Variants in PCDHGA4 observed in about 807,000 individuals in gnomAD.
The protein encoded by PCDHGA4 is protocadherin gamma subfamily A, 4.
In PCDHGA4, 38 loss-of-function variants were observed where a neutral mutation model predicts 54.6. The observed-to-expected ratio is 0.70, with a 90% CI of 0.54 to 0.91. PCDHGA4 has a LOEUF of 0.91. Among genes scored for constraint, PCDHGA4 ranks in the 40% least tolerant of loss-of-function variants. The pLI is 0.00. For synonymous variants in PCDHGA4, 511 were observed against 512.9 expected (o/e 1.00, Z 0.05); for missense variants, 1,298 against 1,220.9 (o/e 1.06, Z -0.94).
chr5:141,457,806 G>A (rs1321207711), intron 1 of PCDHGA4, among the ~76,000 whole-genome samples: 1 of 152,150 alleles, frequency 6.6e-6, no homozygotes, highest in Non-Finnish European at 1.5e-5. Context: ...CTCCTCTTGA[G>A]GTCCCAAGAT....
At chr5:141,417,887 C>T in intron 1 of PCDHGA4, 2 of 1,564,888 alleles carry the variant, frequency 1.3e-6, no homozygotes, top group Non-Finnish European at 1.7e-6. Flanking sequence ...GCAGAGGCGC[C>T]GGGCCGGCCC....
At position 141,355,189 on chromosome 5, in the gene PCDHGA4, G is replaced by T. The variant is rs1414390153; in HGVS notation, c.82G>T (p.Gly28Cys). 6.3e-7 allele frequency: 1 copy of T among 1,590,758 alleles called. No homozygotes were observed. The highest frequency in any genetic ancestry group is 8.6e-7 in the Non-Finnish European group (1 of 1,167,318). The change falls in exon 1 of 4, where the codon GGC (glycine) becomes TGC (cysteine). Residue 28 changes from glycine to cysteine, a missense_variant. Gly to Cys is a radical substitution (Grantham distance 159). Coordinates refer to ENST00000571252, the MANE Select transcript of PCDHGA4 (RefSeq NM_018917.4). ...AAAACCGAAGCACAGGCGACTCCGC[G>T]GCGGGGTTGTAATGGCGGCGCCTCC... ...EGKPKHRRLR[G>C]GVVMAAPPAR...
intron 1 of PCDHGA4, chr5:141,404,230 C>T: frequency 6.2e-7 from 1 of 1,613,836 alleles, no homozygotes; most frequent in Non-Finnish European, 8.5e-7. Context: ...CTGCAACAGA[C>T]AGAGGAACTC....
At chr5:141,367,423 G>T (rs1765125811) in intron 1 of PCDHGA4, 2 of 152,202 alleles carry the variant, frequency 1.3e-5, no homozygotes, top group Non-Finnish European at 2.9e-5. Flanking sequence ...TGTAGTCCCA[G>T]CTACTCGGAA....
intron 1 of PCDHGA4, chr5:141,372,982 GT>G: frequency 1.6e-6 from 1 of 641,336 alleles, no homozygotes; most frequent in East Asian, 2.8e-5. Flanking sequence ...GAATATCTGT[GT>G]TGCAGTTGTT....
Position 141,485,227 on chromosome 5 carries a change from G to T in PCDHGA4, c.2515-9580G>T. Reference sequence around the variant, plus strand: ...AAATCTGGCGGTGGGCTACCCTTTTGTTCCTCTTTTACCACCTGGGTTACG... The same window carrying T: ...AAATCTGGCGGTGGGCTACCCTTTTTTTCCTCTTTTACCACCTGGGTTACG... On this transcript the variant is annotated intron_variant, in intron 1 of 3. Transcript: ENST00000571252. The surrounding 1 kb of genome is among the most constrained non-coding windows in gnomAD (Gnocchi z 5.7). The T allele has an allele frequency of 6.2e-7, 1 of 1,614,186 alleles. No individual in the cohort carries two copies. Among genetic ancestry groups the T allele is most frequent in the Non-Finnish European group, 8.5e-7 (1 of 1,180,020 alleles).
rs765263883 is a variant in PCDHGA4 at position 141,491,018 on chromosome 5, C to T, written c.2515-3789C>T. On this transcript the variant is annotated intron_variant, in intron 1 of 3. Coordinates refer to ENST00000571252, the MANE Select transcript of PCDHGA4 (RefSeq NM_018917.4). This position sits in a 1 kb window ranked among gnomAD's most constrained non-coding sequence, Gnocchi z 6.9. The stretch of plus-strand genomic sequence containing the variant: ...CCTGGCTCCTTGGTCACCAAGGTGA[C>T]AGCCGTGGATGCTGATGCAGGCCAC... 1.2e-6 allele frequency: 2 copies of T among 1,614,146 alleles called. No individual in the cohort carries two copies. The highest frequency in any genetic ancestry group is 1.7e-6 in the Non-Finnish European group (2 of 1,180,042).
At chr5:141,362,441 A>G (rs761899854) in intron 1 of PCDHGA4, 1 of 1,614,052 alleles carries the variant, frequency 6.2e-7, no homozygotes, top group South Asian at 1.1e-5. Flanking sequence ...AATTTTCTGA[A>G]CATAACCCCG....
rs756423770 is a variant in PCDHGA4 at position 141,430,950 on chromosome 5, T to G, written c.2515-63857T>G. 8 of 1,609,862 alleles carry G rather than the reference T, an allele frequency of 5.0e-6. No individual in the cohort carries two copies. The East Asian group carries it at 1.6e-4, about 31-fold the overall frequency. On this transcript the variant is annotated intron_variant, in intron 1 of 3. Coordinates refer to ENST00000571252, the MANE Select transcript of PCDHGA4 (RefSeq NM_018917.4). ...CCCCGGGAGCTCGCGGAGCGCGGAG[T>G]CCGCATCATCCCCAGAGGTAGGACG...
At chr5:141,492,578 G>A (rs1380328678) in intron 1 of PCDHGA4, among the ~76,000 whole-genome samples, 1 of 152,216 alleles carries the variant, frequency 6.6e-6, no homozygotes, top group Non-Finnish European at 1.5e-5. Flanking sequence ...CGAGGCGCGG[G>A]GCCAGGAGCG....
intron 1 of PCDHGA4, chr5:141,371,810 G>A (rs374995933): frequency 5.6e-6 from 9 of 1,613,756 alleles, no homozygotes; most frequent in Middle Eastern, 1.6e-4. Context: ...CCTCCATTGC[G>A]CATGTCAGAG....
chr5:141,410,079 T>A, intron 1 of PCDHGA4: 1 of 1,612,494 alleles, frequency 6.2e-7, no homozygotes, highest in Non-Finnish European at 8.5e-7. Context: ...ACTGGGGAGG[T>A]GCGCACGGCT....
intron 1 of PCDHGA4, among the ~76,000 whole-genome samples, chr5:141,468,747 T>A (rs2099176715): frequency 6.6e-6 from 1 of 151,990 alleles, no homozygotes; most frequent in South Asian, 2.1e-4. Context: ...GTGCCTGTAG[T>A]CCCAGCTACT....
At chr5:141,366,698 C>T (rs749393515) in intron 1 of PCDHGA4, 1 of 1,614,236 alleles carries the variant, frequency 6.2e-7, no homozygotes, top group Non-Finnish European at 8.5e-7. Flanking sequence ...GAAAAGCGAG[C>T]CTCTTCTGAT....
At chr5:141,461,819 A>T (rs573339238) in intron 1 of PCDHGA4, among the ~76,000 whole-genome samples, 68 of 149,282 alleles carry the variant, frequency 4.6e-4, no homozygotes, top group Non-Finnish European at 9.5e-4. Flanking sequence ...ACACCCAGCT[A>T]ATTTTTTTTT....
At chr5:141,417,859 G>T (rs925593025) in intron 1 of PCDHGA4, 10 of 1,548,090 alleles carry the variant, frequency 6.5e-6, no homozygotes, top group African/African-American at 2.7e-5. Context: ...CCGAGCGAAC[G>T]ATGGGAGGGA....
At chr5:141,390,919 A>C (rs1254063856) in intron 1 of PCDHGA4, 1 of 152,550 alleles carries the variant, frequency 6.6e-6, no homozygotes, top group Non-Finnish European at 1.5e-5. Flanking sequence ...AAAAAGGTCT[A>C]CTATGCTCAT....
At chr5:141,457,062 T>C (rs1168687034) in intron 1 of PCDHGA4, among the ~76,000 whole-genome samples, 1 of 152,232 alleles carries the variant, frequency 6.6e-6, no homozygotes, top group Non-Finnish European at 1.5e-5. Context: ...GCTTCCTTTT[T>C]GCCAGTAACT....
At chr5:141,405,020 A>G in intron 1 of PCDHGA4, 1 of 1,613,342 alleles carries the variant, frequency 6.2e-7, no homozygotes, top group Non-Finnish European at 8.5e-7. Context: ...CTCAGACCTT[A>G]CCCTCTACCT....
Sources: allele counts gnomAD v4.1 joint callset (sites outside exome capture counted in the v4.1 genomes callset), GRCh38; gene constraint gnomAD v4.1.1; non-coding constraint Gnocchi (gnomAD v3.1); transcripts MANE v1.5; gene names NCBI Gene and HGNC (gene_info 2026-07-23, HGNC 2026-07-21).